DROSHA: variants seen among roughly 807,000 people sequenced by gnomAD.
DROSHA encodes the protein ribonuclease 3.
A neutral mutation model predicts 181.9 loss-of-function variants in DROSHA; 56 were observed. That is an observed-to-expected ratio of 0.31 (90% confidence interval 0.25 to 0.38). The LOEUF is 0.38. Among genes scored for constraint, DROSHA ranks in the 10% least tolerant of loss-of-function variants. The pLI is 1.00. For synonymous variants in DROSHA, 524 were observed against 591.2 expected, an observed-to-expected ratio of 0.89 and a Z score of 1.65; for missense variants, 1,218 against 1,743.5, an observed-to-expected ratio of 0.70 and a Z score of 5.37.
chr5:31,455,624 C>T (rs771602749), intron 20 of DROSHA, among the ~76,000 whole-genome samples: 36 of 151,146 alleles, frequency 2.4e-4, no homozygotes, highest in Admixed American at 6.6e-4. Context: ...GTCACTTAAA[C>T]TCATATTGTT....
chr5:31,410,714 T>G, intron 31 of DROSHA, 32 bp downstream of exon 31: 1 of 1,603,222 alleles, frequency 6.2e-7, no homozygotes, highest in East Asian at 2.2e-5. Flanking sequence ...ACTCTGAACC[T>G]GGAGGTTGAG....
intron 16 of DROSHA, 90 bp from the exon 17 acceptor site, chr5:31,472,322 C>A (rs1749827002): frequency 3.6e-6 from 5 of 1,401,810 alleles, no homozygotes; most frequent in Admixed American, 2.7e-5. Context: ...AAAAACAAGA[C>A]AATGGAGGAA....
Position 31,515,521 on chromosome 5 carries a change from G to C in DROSHA, c.991C>G (p.Pro331Ala), listed in dbSNP as rs1323090785. 1 of 1,532,178 alleles carries C rather than the reference G, an allele frequency of 6.5e-7. No homozygotes were observed. The highest frequency in any genetic ancestry group is 2.4e-5 in the East Asian group (1 of 40,832). 94.9% of individuals were successfully genotyped at this position (1,532,178 alleles called of 1,614,324 possible). Reference protein sequence around the residue: ...SVVPEPAGCTPELPGEIIKNT... With the variant: ...SVVPEPAGCTAELPGEIIKNT... ...TTAATAATCTCCCCAGGTAATTCTG[G>C]TGTGCATCCAGCAGGTTCAGGAACA... The change falls in exon 7 of 36, where the codon CCA becomes GCA. Residue 331 changes from proline to alanine, a missense_variant. By Grantham distance (27) the Pro-to-Ala change is conservative. Around this residue, in one of 8 missense-constraint regions of DROSHA, gnomAD observed 536 missense variants for 535.4 expected, o/e 1.00. Coordinates refer to ENST00000344624, the MANE Select transcript of DROSHA (RefSeq NM_001382508.1).
At chr5:31,492,210 T>G (rs1752506566) in intron 13 of DROSHA, among the ~76,000 whole-genome samples, 1 of 152,304 alleles carries the variant, frequency 6.6e-6, no homozygotes, top group African/African-American at 2.4e-5. Flanking sequence ...CAAAGAAAAT[T>G]CTCTAGGATA....
chr5:31,451,447 A>G, intron 21 of DROSHA, 86 bp downstream of exon 21: 1 of 1,119,354 alleles, frequency 8.9e-7, no homozygotes, highest in Non-Finnish European at 1.3e-6. Flanking sequence ...ATCCCAGGAT[A>G]GAGAACCCAA....
chr5:31,483,987 T>G (rs1751379724), intron 15 of DROSHA, among the ~76,000 whole-genome samples: 2 of 130,240 alleles, frequency 1.5e-5, no homozygotes, highest in Non-Finnish European at 1.8e-5. Flanking sequence ...CTTTCCCATT[T>G]TAATCACTAC....
In DROSHA at chr5:31,423,216, A is replaced by T. The variant is rs534249303; in HGVS notation, c.3262-272T>A. On this transcript the variant is annotated intron_variant, in intron 28 of 35. Coordinates refer to ENST00000344624, the MANE Select transcript of DROSHA (RefSeq NM_001382508.1). Reference sequence around the variant, plus strand: ...GTTCAAAATCCCAAGTATTATACTAACTCTCCAAGGAGATTCGAGCTGAAG... The same window carrying T: ...GTTCAAAATCCCAAGTATTATACTATCTCTCCAAGGAGATTCGAGCTGAAG... 16 of 223,010 alleles carry T rather than the reference A, an allele frequency of 7.2e-5. No homozygotes were observed. In the South Asian group the frequency reaches 1.5e-3, roughly 20 times the overall value. The allele number at this position is 223,010 out of a possible 1,614,324, so 13.8% of individuals were successfully genotyped here.
At chr5:31,517,869 G>A (rs1049384847) in intron 6 of DROSHA, among the ~76,000 whole-genome samples, 1 of 151,822 alleles carries the variant, frequency 6.6e-6, no homozygotes, top group Non-Finnish European at 1.5e-5. Flanking sequence ...GTTCAAAGAC[G>A]AACCTGGGCA....
chr5:31,419,164 C>T (rs1323330999), intron 30 of DROSHA, among the ~76,000 whole-genome samples: 1 of 152,154 alleles, frequency 6.6e-6, no homozygotes, highest in East Asian at 1.9e-4. Context: ...GCCAACAAAG[C>T]TTGTGTTTCA....
chr5:31,462,723 G>A (rs887277831), intron 20 of DROSHA, among the ~76,000 whole-genome samples: 19 of 151,624 alleles, frequency 1.3e-4, no homozygotes, highest in Admixed American at 1.2e-3. Context: ...ACAGGAGGTG[G>A]GGGAGAAATC....
At chr5:31,425,436 C>T (rs534887738) in intron 27 of DROSHA, among the ~76,000 whole-genome samples, 6 of 152,226 alleles carry the variant, frequency 3.9e-5, no homozygotes, top group East Asian at 1.9e-4. Context: ...TTTGAAATCT[C>T]GGTAGTGCAA....
rs377304788 is a variant in DROSHA at position 31,484,380 on chromosome 5, C to CAAAA, written c.1996+497_1996+500dup. On this transcript the variant is annotated intron_variant, in intron 15 of 35. Coordinates refer to ENST00000344624, the MANE Select transcript of DROSHA (RefSeq NM_001382508.1). ...TGGGCGACAGAGCGAGACTCCGTCT[C>CAAAA]AAAAAAAAAAAAAAAAAAAAAAAAA... Among the ~76,000 whole-genome samples, 39 of 82,986 alleles carry CAAAA rather than the reference C, an allele frequency of 4.7e-4. 3 individuals carry two copies. The highest frequency in any genetic ancestry group is 1.3e-3 in the African/African-American group (22 of 16,626). The allele number at this position is 82,986 out of a possible 152,430, so 54.4% of individuals were successfully genotyped here.
intron 5 of DROSHA, among the ~76,000 whole-genome samples, chr5:31,521,745 A>G (rs1003579627): frequency 6.6e-6 from 1 of 152,194 alleles, no homozygotes; most frequent in East Asian, 1.9e-4. Context: ...AGTCACTTGA[A>G]TGCTATTTTT....
rs1182685145 is a variant in DROSHA, at chr5:31,521,103, A to G, written c.947+20T>C. The G allele has an allele frequency of 6.2e-7, 1 of 1,611,462 alleles. No homozygotes were observed. The highest frequency in any genetic ancestry group is 2.2e-5 in the East Asian group (1 of 44,864). ...AGGAGATAATCCTATGACTTCTTTCAGTGTCAACTCCTTGCTTACCTTCCA... is the reference window on the plus strand; with the variant it reads ...AGGAGATAATCCTATGACTTCTTTCGGTGTCAACTCCTTGCTTACCTTCCA... On this transcript the variant is annotated intron_variant, in intron 6 of 35. Coordinates refer to ENST00000344624, the MANE Select transcript of DROSHA (RefSeq NM_001382508.1).
chr5:31,449,256 A>G, intron 22 of DROSHA, 25 bp downstream of exon 22: 1 of 1,612,016 alleles, frequency 6.2e-7, no homozygotes, highest in South Asian at 1.1e-5. Context: ...TAGGAGATTC[A>G]CATCTTAAAA....
At chr5:31,430,928 T>C (rs1422051260) in intron 26 of DROSHA, among the ~76,000 whole-genome samples, 3 of 152,094 alleles carry the variant, frequency 2.0e-5, no homozygotes, top group Admixed American at 6.5e-5. Flanking sequence ...GTCAATCTAC[T>C]GTAACATTTC....
intron 21 of DROSHA, among the ~76,000 whole-genome samples, chr5:31,449,739 C>T (rs1281951996): frequency 1.3e-5 from 2 of 151,978 alleles, no homozygotes; most frequent in Non-Finnish European, 2.9e-5. Context: ...AAAACAAAAA[C>T]AAAACAAAAA....
At chr5:31,503,589 G>A (rs1580323841) in intron 11 of DROSHA, among the ~76,000 whole-genome samples, 1 of 152,184 alleles carries the variant, frequency 6.6e-6, no homozygotes, top group East Asian at 1.9e-4. Context: ...GAGAGATGGG[G>A]TTATGACAGC....
At chr5:31,431,776 A>T (rs1744208471) in intron 25 of DROSHA, 98 bp from the exon 26 acceptor site, 3 of 1,043,684 alleles carry the variant, frequency 2.9e-6, no homozygotes, top group Non-Finnish European at 4.4e-6. Flanking sequence ...CGGAGACGAG[A>T]TGGGGGCAGC....
Sources: gnomAD v4.1 joint callset for allele counts (sites outside exome capture counted in the v4.1 genomes callset) on GRCh38, gnomAD v4.1.1 for gene constraint, gnomAD v4.1.1 regional missense constraint, MANE v1.5 for transcripts, NCBI Gene and HGNC (gene_info 2026-07-23, HGNC 2026-07-21) for gene names.